Variants in LPP observed in about 807,000 individuals in gnomAD.
The protein encoded by LPP is LIM domain containing preferred translocation partner in lipoma.
A neutral mutation model predicts 60.4 loss-of-function variants in LPP; 38 were observed. That is an observed-to-expected ratio of 0.63 (90% CI 0.49 to 0.83). The LOEUF (loss-of-function observed/expected upper bound fraction) is 0.83, where lower values mean the gene tolerates loss of function less well. LPP is among the 40% of genes least tolerant of loss of function. The pLI, the probability that LPP is intolerant of heterozygous loss-of-function variation, is 0.00. For synonymous variants in LPP, 328 were observed against 290.8 expected (o/e 1.13, Z -1.30); for missense variants, 902 against 783.6 (o/e 1.15, Z -1.80).
At chr3:188,774,425 C>G (rs1737062346) in intron 9 of LPP, among the ~76,000 whole-genome samples, 1 of 43,238 alleles carries the variant, frequency 2.3e-5, no homozygotes, top group Admixed American at 3.5e-4. Context: ...TCCTTAGGAG[C>G]AAACTCATTT....
intron 7 of LPP, among the ~76,000 whole-genome samples, chr3:188,650,418 G>A (rs1315437524): frequency 6.6e-6 from 1 of 152,008 alleles, no homozygotes. Context: ...CATAAAGCGG[G>A]GACATAACAT....
rs1044518483 is a variant in LPP, at chr3:188,551,290, C to T, written c.429+26503C>T. Among the ~76,000 whole-genome samples the T allele has an allele frequency of 1.6e-4, 25 of 152,206 alleles. 1 individual carries two copies. Among genetic ancestry groups the T allele is most frequent in the African/African-American group, 5.8e-4 (24 of 41,528 alleles). On this transcript the variant is annotated intron_variant, in intron 6 of 11. Transcript: ENST00000617246. ...GATAAAACCATCAGATCTCATAAGA[C>T]TTATTGACTACCACGAGAACAGTAT...
At chr3:188,751,118 A>G (rs750758475) in intron 8 of LPP, among the ~76,000 whole-genome samples, 7 of 152,218 alleles carry the variant, frequency 4.6e-5, no homozygotes, top group Non-Finnish European at 8.8e-5. Context: ...AGGGAAGATT[A>G]TTCTGTTGCT....
intron 6 of LPP, among the ~76,000 whole-genome samples, chr3:188,607,370 G>GATATAGATATATATAT (rs1553941080): frequency 9.7e-6 from 1 of 102,732 alleles, no homozygotes; most frequent in African/African-American, 3.6e-5. Context: ...GAAAATAGAA[G>GATATAGATATATATAT]ATATATATAT....
rs116075113 is a variant in LPP, at chr3:188,400,193, G to A, written c.-9-5919G>A. ...AAGAGCTGGAATGGAAATAATAAGA[G>A]CAAAAACTACTGTTAAGTGCTGATT... is the stretch of plus-strand genomic sequence containing the variant. On this transcript the variant is annotated intron_variant, in intron 3 of 11. Transcript: ENST00000617246. Among the ~76,000 whole-genome samples the A allele has an allele frequency of 7.7e-3, 1,175 of 152,250 alleles. 18 individuals carry two copies. Among genetic ancestry groups the A allele is most frequent in the African/African-American group, 0.027 (1,134 of 41,540 alleles).
intron 7 of LPP, among the ~76,000 whole-genome samples, chr3:188,654,643 G>T (rs1408880819): frequency 6.6e-6 from 1 of 152,104 alleles, no homozygotes; most frequent in Non-Finnish European, 1.5e-5. Context: ...GAAACTGCAT[G>T]CTTAAGCACT....
intron 7 of LPP, among the ~76,000 whole-genome samples, chr3:188,631,635 T>C (rs1191477353): frequency 6.6e-6 from 1 of 152,198 alleles, no homozygotes; most frequent in Non-Finnish European, 1.5e-5. Flanking sequence ...CTATGCATTT[T>C]ACTCCTGTTT....
chr3:188,636,359 A>G (rs925130623), intron 7 of LPP, among the ~76,000 whole-genome samples: 1 of 152,122 alleles, frequency 6.6e-6, no homozygotes, highest in African/African-American at 2.4e-5. Flanking sequence ...GGGCTTAAAA[A>G]ACGGTGCACC....
chr3:188,819,313 T>G (rs566501896), intron 9 of LPP, among the ~76,000 whole-genome samples: 2 of 152,078 alleles, frequency 1.3e-5, no homozygotes, highest in African/African-American at 2.4e-5. Flanking sequence ...CCCTCCTTCC[T>G]TCCTTCCTTT....
At chr3:188,760,866 A>G (rs2150493851) in intron 9 of LPP, among the ~76,000 whole-genome samples, 1 of 152,356 alleles carries the variant, frequency 6.6e-6, no homozygotes, top group Middle Eastern at 3.4e-3. Flanking sequence ...AGTAATGCTG[A>G]CTGAGCTAAT....
chr3:188,459,764 A>G (rs1420231942), intron 4 of LPP, among the ~76,000 whole-genome samples: 1 of 152,278 alleles, frequency 6.6e-6, no homozygotes, highest in Admixed American at 6.5e-5. Context: ...CTGAACCCCA[A>G]TATCTGATTA....
rs1299097539 is a variant in LPP at position 188,881,212 on chromosome 3, A to G, written c.*6733A>G. 5.6e-6 allele frequency: 1 copy of G among 178,124 alleles called. No homozygotes were observed. Among genetic ancestry groups the G allele is most frequent in the East Asian group, 9.3e-5 (1 of 10,732 alleles). The allele number at this position is 178,124 out of a possible 1,614,324, so 11.0% of individuals were successfully genotyped here. The stretch of plus-strand genomic sequence containing the variant: ...ATCTTCTCTGTTATTTTCCTGATGA[A>G]TCACCATCCCATATCTTCTTAGTCC... On this transcript the variant is annotated 3_prime_UTR_variant, in exon 12 of 12. Coordinates refer to ENST00000617246, the MANE Select transcript of LPP (RefSeq NM_001375462.1).
chr3:188,207,120 A>G (rs1302032572), intron 1 of LPP, among the ~76,000 whole-genome samples: 1 of 151,988 alleles, frequency 6.6e-6, no homozygotes, highest in African/African-American at 2.4e-5. Context: ...GCCTCAGGCT[A>G]CAACAAACTG....
In LPP at chr3:188,218,452, A is replaced by G. The variant is rs567138040; in HGVS notation, c.-189-6953A>G. On this transcript the variant is annotated intron_variant, in intron 1 of 11. Coordinates refer to ENST00000617246, the MANE Select transcript of LPP (RefSeq NM_001375462.1). The stretch of plus-strand genomic sequence containing the variant: ...CCCCTGGCAATCTTATACTATAATC[A>G]GCCTAAGCCCAGAGATGCTCAGAAA... Among the ~76,000 whole-genome samples the G allele has an allele frequency of 1.7e-3, 262 of 152,294 alleles. 1 individual carries two copies. The highest frequency in any genetic ancestry group is 4.6e-3 in the South Asian group (22 of 4,830).
At chr3:188,598,774 T>C (rs7644357) in intron 6 of LPP, among the ~76,000 whole-genome samples, 49,337 of 152,062 alleles carry the variant, frequency 0.32, 8,554 homozygotes, top group Non-Finnish European at 0.38. Context: ...ATCACTTATG[T>C]GCGTTTTAAT....
intron 2 of LPP, among the ~76,000 whole-genome samples, chr3:188,298,589 A>C (rs1256431077): frequency 1.3e-5 from 2 of 152,168 alleles, no homozygotes; most frequent in Non-Finnish European, 2.9e-5. Flanking sequence ...CCCCTTCTCA[A>C]ACTTTACGGG....
chr3:188,465,478 T>C (rs1475903371), intron 4 of LPP, among the ~76,000 whole-genome samples: 2 of 152,172 alleles, frequency 1.3e-5, no homozygotes, highest in Non-Finnish European at 2.9e-5. Flanking sequence ...ACAGGTCTTT[T>C]CAAGAGCCTA....
intron 9 of LPP, among the ~76,000 whole-genome samples, chr3:188,828,103 G>T (rs1295964067): frequency 6.6e-6 from 1 of 152,040 alleles, no homozygotes; most frequent in Non-Finnish European, 1.5e-5. Flanking sequence ...GTTCTTGAGT[G>T]GTCAGCAGTA....
intron 4 of LPP, among the ~76,000 whole-genome samples, chr3:188,468,090 A>G (rs910194758): frequency 2.6e-5 from 4 of 152,248 alleles, no homozygotes; most frequent in East Asian, 1.9e-4. Flanking sequence ...GTCCATTTCC[A>G]TATGAAAAGA....
Sources: gnomAD v4.1 joint callset for allele counts (sites outside exome capture counted in the v4.1 genomes callset) on GRCh38, gnomAD v4.1.1 for gene constraint, MANE v1.5 for transcripts, NCBI Gene and HGNC (gene_info 2026-07-23, HGNC 2026-07-21) for gene names.